Variants in DCLRE1C observed in about 807,000 individuals in gnomAD.
DCLRE1C encodes protein artemis.
In DCLRE1C, 47 loss-of-function variants were observed where a neutral mutation model predicts 61.4. The observed-to-expected ratio is 0.77, with a 90% confidence interval of 0.61 to 0.98. DCLRE1C has a LOEUF of 0.98. Ranked by LOEUF, DCLRE1C falls within the 50% of genes least tolerant of loss-of-function variation. DCLRE1C has a pLI of 0.00. For synonymous variants in DCLRE1C, 337 were observed against 287.6 expected, an observed-to-expected ratio of 1.17 and a Z score of -1.74; for missense variants, 858 against 816.0, an observed-to-expected ratio of 1.05 and a Z score of -0.63.
At chr10:14,927,583 G>A (rs933486513) in intron 10 of DCLRE1C, among the ~76,000 whole-genome samples, 49 of 100,910 alleles carry the variant, frequency 4.9e-4, no homozygotes, top group Non-Finnish European at 8.5e-4. Context: ...TGGGGGGGGA[G>A]AAAGGAGAGG....
chr10:14,915,916 A>G (rs1397035311), intron 13 of DCLRE1C, among the ~76,000 whole-genome samples: 1 of 152,190 alleles, frequency 6.6e-6, no homozygotes, highest in Non-Finnish European at 1.5e-5. Flanking sequence ...TGCCATGACT[A>G]AGTGGGATTA....
intron 2 of DCLRE1C, 146 bp downstream of exon 2, chr10:14,948,890 G>A (rs1458283412): frequency 1.5e-6 from 1 of 659,204 alleles, no homozygotes. Flanking sequence ...GAGGGGTCTG[G>A]GATATTGGTA....
chr10:14,924,822 G>A (rs1318932441), intron 11 of DCLRE1C, among the ~76,000 whole-genome samples: 2 of 151,684 alleles, frequency 1.3e-5, no homozygotes, highest in Non-Finnish European at 2.9e-5. Flanking sequence ...ACTCCAGCCT[G>A]GGCAATAAAG....
Position 14,926,855 on chromosome 10 carries a change from G to A in DCLRE1C, c.960C>T (p.Ser320=). The change falls in exon 11 of 14, where the codon TCC becomes TCT. Residue 320 remains serine, a synonymous_variant. Transcript: ENST00000378278. ...SSYRACFSFH[S]SYSEIKDFLS... Reference sequence around the variant, plus strand: ...GGGATCCTCTTACCTCACTGTAGGAGGAGTGAAAAGAAAAACAAGCTCTGT... The same window carrying A: ...GGGATCCTCTTACCTCACTGTAGGAAGAGTGAAAAGAAAAACAAGCTCTGT... 1.2e-6 allele frequency: 2 copies of A among 1,612,982 alleles called. No individual in the cohort carries two copies. Among genetic ancestry groups the A allele is most frequent in the Non-Finnish European group, 1.7e-6 (2 of 1,179,096 alleles).
At chr10:14,917,656 T>C (rs1836424425) in intron 13 of DCLRE1C, among the ~76,000 whole-genome samples, 1 of 152,038 alleles carries the variant, frequency 6.6e-6, no homozygotes, top group Non-Finnish European at 1.5e-5. Context: ...AAACTCCATG[T>C]CTACAAAAAA....
rs41299666 is a variant in DCLRE1C at position 14,922,727 on chromosome 10, A to G, written c.1061+254T>C. Among the ~76,000 whole-genome samples, 1,446 of 152,270 alleles carry G rather than the reference A, an allele frequency of 9.5e-3. 23 individuals carry two copies. The highest frequency in any genetic ancestry group is 0.032 in the African/African-American group (1,333 of 41,546). ...CTAGCTCAGAGAAGTGATCTGGCCAAGCTCACACTGCACTGTTAGTAAGTG... is the reference window on the plus strand; with the variant it reads ...CTAGCTCAGAGAAGTGATCTGGCCAGGCTCACACTGCACTGTTAGTAAGTG... On this transcript the variant is annotated intron_variant, in intron 12 of 13. Transcript: ENST00000378278.
At chr10:14,933,687 C>A (rs1226311177) in intron 8 of DCLRE1C, among the ~76,000 whole-genome samples, 1 of 152,092 alleles carries the variant, frequency 6.6e-6, no homozygotes, top group Non-Finnish European at 1.5e-5. Flanking sequence ...ACATGATGTA[C>A]AACAGAGGAG....
chr10:14,931,249 G>C (rs908148543), intron 9 of DCLRE1C, among the ~76,000 whole-genome samples: 1 of 152,160 alleles, frequency 6.6e-6, no homozygotes, highest in Admixed American at 6.5e-5. Flanking sequence ...AAGAGAAGGA[G>C]GTTCTGTGTT....
chr10:14,928,331 T>C (rs908067541), intron 9 of DCLRE1C, among the ~76,000 whole-genome samples, 179 bp from the exon 10 acceptor site: 19 of 151,806 alleles, frequency 1.3e-4, no homozygotes, highest in African/African-American at 4.6e-4. Context: ...TTGGGGAATA[T>C]TGTGCAAAAC....
chr10:14,935,973 A>G (rs1839841910), intron 5 of DCLRE1C, among the ~76,000 whole-genome samples: 1 of 152,210 alleles, frequency 6.6e-6, no homozygotes, highest in African/African-American at 2.4e-5. Context: ...CAGTGGCTCA[A>G]TCTTGGCTCA....
chr10:14,949,104 A>G lies in DCLRE1C; in HGVS notation c.110-17T>C. Reference sequence around the variant, plus strand: ...TCATGTGATCTAAAAACAAAAGAACAAAAACTCATGAATATGTTTTTCCAG... The same window carrying G: ...TCATGTGATCTAAAAACAAAAGAACGAAAACTCATGAATATGTTTTTCCAG... On this transcript the variant is annotated splice_polypyrimidine_tract_variant and intron_variant, in intron 1 of 13. Coordinates refer to ENST00000378278, the MANE Select transcript of DCLRE1C (RefSeq NM_001033855.3). 2 of 1,581,742 alleles carry G rather than the reference A, an allele frequency of 1.3e-6. No individual in the cohort carries two copies. The highest frequency in any genetic ancestry group is 1.7e-6 in the Non-Finnish European group (2 of 1,151,292).
intron 4 of DCLRE1C, among the ~76,000 whole-genome samples, chr10:14,938,751 A>T (rs1325210564): frequency 2.0e-5 from 3 of 152,238 alleles, no homozygotes; most frequent in Admixed American, 1.3e-4. Context: ...TTCATGAATT[A>T]CCTGCAAAAA....
chr10:14,928,230 A>C, intron 9 of DCLRE1C, 78 bp from the exon 10 acceptor site: 2 of 1,351,080 alleles, frequency 1.5e-6, no homozygotes, highest in Non-Finnish European at 2.1e-6. Context: ...CAAAAACAAA[A>C]GTAGAAAAGT....
intron 11 of DCLRE1C, chr10:14,923,397 T>C (rs1837454520): frequency 1.3e-5 from 4 of 298,166 alleles, no homozygotes; most frequent in African/African-American, 6.6e-5. Context: ...TTTTAATATA[T>C]TGCTTTCCTT....
At chr10:14,927,883 A>T in intron 10 of DCLRE1C, 133 bp downstream of exon 10, 1 of 596,810 alleles carries the variant, frequency 1.7e-6, no homozygotes, top group Non-Finnish European at 2.3e-6. Context: ...ATTTAAATAA[A>T]ATTTAAATTT....
exon 14 of DCLRE1C, chr10:14,897,584 T>G: frequency 7.5e-7 from 1 of 1,328,118 alleles, no homozygotes; most frequent in Non-Finnish European, 1.0e-6. Context: ...AAATTACCTT[T>G]TTATCTCTTT....
chr10:14,954,122 C>G, upstream of DCLRE1C: 1 of 1,557,758 alleles, frequency 6.4e-7, no homozygotes, highest in Admixed American at 1.9e-5. Context: ...ATTGGGCGGC[C>G]GAACGCAGCC....
intron 2 of DCLRE1C, among the ~76,000 whole-genome samples, chr10:14,946,227 C>T (rs1357748406): frequency 6.6e-6 from 1 of 151,376 alleles, no homozygotes; most frequent in African/African-American, 2.4e-5. Context: ...AGGCTGGTCT[C>T]GATATCCTGA....
rs138302212 is a variant in DCLRE1C, at chr10:14,944,294, T to A, written c.246+811A>T. ...TGGGTGGATCACCTGAAGTCAGGAG[T>A]TTGAGACCTGCCTGACCAACACAGT... On this transcript the variant is annotated intron_variant, in intron 3 of 13. Coordinates refer to ENST00000378278, the MANE Select transcript of DCLRE1C (RefSeq NM_001033855.3). Among the ~76,000 whole-genome samples the A allele has an allele frequency of 1.4e-3, 214 of 151,656 alleles. 1 individual carries two copies. The highest frequency in any genetic ancestry group is 4.9e-3 in the African/African-American group (203 of 41,312).
Sources: gnomAD v4.1 joint callset for allele counts (sites outside exome capture counted in the v4.1 genomes callset) on GRCh38, gnomAD v4.1.1 for gene constraint, MANE v1.5 for transcripts, NCBI Gene and HGNC (gene_info 2026-07-23, HGNC 2026-07-21) for gene names.